SNRPN: variants seen among roughly 807,000 people sequenced by gnomAD.
SNRPN encodes small nuclear ribonucleoprotein polypeptide N.
SNRPN carries 7 observed loss-of-function variants against 25.2 expected under a neutral mutation model. That is an observed-to-expected ratio of 0.28 (90% confidence interval 0.16 to 0.52). The LOEUF is 0.52. Among genes scored for constraint, SNRPN ranks in the 20% least tolerant of loss-of-function variants. The pLI, the probability that SNRPN is intolerant of heterozygous loss-of-function variation, is 0.96. For missense variants in SNRPN, 196 were observed against 322.5 expected (o/e 0.61, Z 3.00); for synonymous variants, 124 against 110.6 (o/e 1.12, Z -0.76).
chr15:24,919,476 A>G (rs1449394455), intron 2 of SNRPN, among the ~76,000 whole-genome samples: 1 of 152,032 alleles, frequency 6.6e-6, no homozygotes, highest in Non-Finnish European at 1.5e-5. Flanking sequence ...AAGCAAGGTA[A>G]GGGTCACCAT....
chr15:24,840,404 G>A (rs960243736), intron 2 of SNRPN, among the ~76,000 whole-genome samples: 1 of 152,146 alleles, frequency 6.6e-6, no homozygotes, highest in African/African-American at 2.4e-5. Context: ...GGCTGCCTGA[G>A]GCAACTTATG....
At chr15:24,872,090 A>G (rs2055194727) in intron 1 of SNRPN, among the ~76,000 whole-genome samples, 1 of 118,734 alleles carries the variant, frequency 8.4e-6, no homozygotes, top group Non-Finnish European at 1.8e-5. Context: ...GAATTTATCT[A>G]TTTTTGCTTC....
chr15:24,874,037 C>T (rs542643228), intron 1 of SNRPN, among the ~76,000 whole-genome samples: 4 of 151,090 alleles, frequency 2.6e-5, no homozygotes, highest in East Asian at 3.9e-4. Flanking sequence ...AAAGGCTGCC[C>T]GCTGCGGTGG....
intron 1 of SNRPN, among the ~76,000 whole-genome samples, chr15:24,957,007 T>C (rs1048827886): frequency 6.6e-6 from 1 of 152,234 alleles, no homozygotes; most frequent in African/African-American, 2.4e-5. Flanking sequence ...TGGAAAATCG[T>C]ACCTTTTCAT....
At chr15:24,824,960 G>A (rs2049971938) in intron 1 of SNRPN, among the ~76,000 whole-genome samples, 1 of 152,048 alleles carries the variant, frequency 6.6e-6, no homozygotes, top group Non-Finnish European at 1.5e-5. Flanking sequence ...CCTGCAGGGT[G>A]GATCTATGAG....
At chr15:24,894,109 T>C (rs2057891039) in intron 2 of SNRPN, among the ~76,000 whole-genome samples, 1 of 152,180 alleles carries the variant, frequency 6.6e-6, no homozygotes, top group Non-Finnish European at 1.5e-5. Flanking sequence ...GCAACCCACA[T>C]GTCTGTCCAG....
intron 3 of SNRPN, among the ~76,000 whole-genome samples, chr15:24,970,459 A>G (rs1410335090): frequency 6.6e-6 from 1 of 152,078 alleles, no homozygotes; most frequent in Admixed American, 6.6e-5. Context: ...GACACCTGTA[A>G]TCCCAGCTAC....
intron 1 of SNRPN, among the ~76,000 whole-genome samples, chr15:24,877,675 CACACACACACACACACACACAA>C (rs2056080027): frequency 1.3e-5 from 2 of 148,660 alleles, no homozygotes; most frequent in African/African-American, 2.4e-5. Context: ...CACACACACA[CACACACACACACACACACACAA>C]ACACACTAGC....
chr15:24,847,957 A>C (rs1467959911), intron 2 of SNRPN, among the ~76,000 whole-genome samples: 1 of 152,004 alleles, frequency 6.6e-6, no homozygotes, highest in African/African-American at 2.4e-5. Context: ...TATAGTTCAG[A>C]AGATTAGAGT....
intron 2 of SNRPN, chr15:24,919,865 CTA>C (rs1479238000): frequency 2.6e-5 from 4 of 152,012 alleles, no homozygotes; most frequent in Admixed American, 2.0e-4. Context: ...GTACAGAACG[CTA>C]TGTTTTTATA....
chr15:24,837,469 C>T (rs561457626), intron 2 of SNRPN, among the ~76,000 whole-genome samples: 202 of 147,920 alleles, frequency 1.4e-3, no homozygotes, highest in Non-Finnish European at 2.4e-3. Context: ...CCTGGGTTCA[C>T]GCCATTCTCC....
chr15:24,856,828 C>G (rs369042464), intron 1 of SNRPN: 1 of 152,258 alleles, frequency 6.6e-6, no homozygotes, highest in South Asian at 2.1e-4. Flanking sequence ...AAACCAACTT[C>G]GCATGTTCGC....
chr15:24,928,947 C>G (rs971571381), intron 3 of SNRPN, among the ~76,000 whole-genome samples: 1 of 152,062 alleles, frequency 6.6e-6, no homozygotes, highest in African/African-American at 2.4e-5. Flanking sequence ...TACATGACCT[C>G]AGAACACATT....
chr15:24,941,236 C>G (rs2061535510), intron 3 of SNRPN, among the ~76,000 whole-genome samples: 1 of 152,114 alleles, frequency 6.6e-6, no homozygotes, highest in African/African-American at 2.4e-5. Context: ...CTTGGCCTCC[C>G]AAAGTGCTGG....
intron 1 of SNRPN, among the ~76,000 whole-genome samples, chr15:24,870,857 T>G (rs1021250083): frequency 2.4e-5 from 1 of 40,922 alleles, no homozygotes; most frequent in Non-Finnish European, 5.1e-5. Flanking sequence ...TACAAATAAT[T>G]TTTTTTTTTT....
At chr15:24,959,446 G>A (rs1226979280) in intron 1 of SNRPN, among the ~76,000 whole-genome samples, 4 of 152,202 alleles carry the variant, frequency 2.6e-5, no homozygotes, top group South Asian at 2.1e-4. Flanking sequence ...TTGAGACCCC[G>A]TCTCTACATT....
intron 3 of SNRPN, among the ~76,000 whole-genome samples, chr15:24,973,571 T>C (rs558802206): frequency 6.6e-6 from 1 of 151,898 alleles, no homozygotes; most frequent in Non-Finnish European, 1.5e-5. Context: ...CTAATTTTTT[T>C]GTATTTCTAG....
At chr15:24,938,311 A>G (rs1203396025) in intron 3 of SNRPN, among the ~76,000 whole-genome samples, 1 of 152,090 alleles carries the variant, frequency 6.6e-6, no homozygotes, top group Non-Finnish European at 1.5e-5. Context: ...TATTTTTGGT[A>G]GATTGGGGGT....
chr15:24,841,603 G>A (rs1006603027), intron 2 of SNRPN, among the ~76,000 whole-genome samples: 2 of 152,160 alleles, frequency 1.3e-5, no homozygotes, highest in African/African-American at 4.8e-5. Flanking sequence ...AGGCCAGAGG[G>A]CTTCAGTAGG....
Sources: allele counts gnomAD v4.1 joint callset (sites outside exome capture counted in the v4.1 genomes callset), GRCh38; gene constraint gnomAD v4.1.1; transcripts MANE v1.5; gene names NCBI Gene and HGNC (gene_info 2026-07-23, HGNC 2026-07-21).